The following MEGF10 variants were observed in gnomAD, a reference collection of about 807,000 sequenced individuals.
The protein encoded by MEGF10 is multiple EGF like domains 10.
A neutral mutation model predicts 147.5 loss-of-function variants in MEGF10; 86 were observed. The observed-to-expected ratio is 0.58, with a 90% confidence interval of 0.49 to 0.70. The LOEUF is 0.70. MEGF10 is among the 30% of genes least tolerant of loss of function. The probability of loss-of-function intolerance (pLI) is 0.00; values close to 1 mark genes in which losing one functional copy is unlikely to be tolerated. For synonymous variants in MEGF10, 478 were observed against 525.5 expected (o/e 0.91, Z 1.24); for missense variants, 1,329 against 1,487.3 (o/e 0.89, Z 1.75).
At chr5:127,312,365 T>C (rs893243042) in intron 1 of MEGF10, among the ~76,000 whole-genome samples, 1 of 152,202 alleles carries the variant, frequency 6.6e-6, no homozygotes, top group Non-Finnish European at 1.5e-5. Flanking sequence ...TATGGGGAGC[T>C]TTTTGGCACC....
In MEGF10 at chr5:127,338,948, C is replaced by T. The variant is rs79417344; in HGVS notation, c.117-172C>T. Among the ~76,000 whole-genome samples, 772 of 151,938 alleles carry T rather than the reference C, an allele frequency of 5.1e-3. 8 individuals are homozygous for T. Among genetic ancestry groups the T allele is most frequent in the African/African-American group, 0.018 (746 of 41,464 alleles). ...TTTAAATGTATTGTTAAAATTGATC[C>T]TTTTGGGGTTCTAGTTTAAATAAAA... On this transcript the variant is annotated intron_variant, in intron 2 of 24. Coordinates refer to ENST00000503335, the MANE Select transcript of MEGF10 (RefSeq NM_001256545.2).
intron 1 of MEGF10, among the ~76,000 whole-genome samples, chr5:127,321,638 G>A (rs751263810): frequency 6.6e-6 from 1 of 152,164 alleles, no homozygotes; most frequent in Non-Finnish European, 1.5e-5. Context: ...CTGATAGTGA[G>A]TGCTTCAGTA....
At chr5:127,344,234 G>A (rs576761116) in intron 4 of MEGF10, among the ~76,000 whole-genome samples, 112 of 152,228 alleles carry the variant, frequency 7.4e-4, no homozygotes, top group Middle Eastern at 6.8e-3. Flanking sequence ...CCATCAAAGA[G>A]TTTTGCAGTC....
intron 5 of MEGF10, among the ~76,000 whole-genome samples, chr5:127,371,517 G>A (rs1762852580): frequency 6.6e-6 from 1 of 152,170 alleles, no homozygotes; most frequent in Admixed American, 6.5e-5. Context: ...GTGGGATAGG[G>A]AAGAGTGGGC....
At chr5:127,290,570 T>C (rs1156642562), upstream of MEGF10, among the ~76,000 whole-genome samples, 3 of 152,166 alleles carry the variant, frequency 2.0e-5, no homozygotes, top group Non-Finnish European at 4.4e-5. Context: ...TTTGGCGGGG[T>C]CACCCACCAG....
chr5:127,286,031 A>G (rs1759019555), upstream of MEGF10, among the ~76,000 whole-genome samples: 1 of 152,142 alleles, frequency 6.6e-6, no homozygotes, highest in Non-Finnish European at 1.5e-5. Flanking sequence ...ACTGGAGGAC[A>G]TTAAGTGAAA....
the MEGF10 span, among the ~76,000 whole-genome samples, chr5:127,264,590 A>G: frequency 1.3e-5 from 2 of 152,052 alleles, no homozygotes; most frequent in African/African-American, 2.4e-5. Context: ...GCTTTTCTCT[A>G]TGTTGCACTC....
chr5:127,381,141 T>C (rs927721937), intron 5 of MEGF10, among the ~76,000 whole-genome samples: 3 of 152,218 alleles, frequency 2.0e-5, no homozygotes, highest in African/African-American at 7.2e-5. Context: ...GTGGAAATTC[T>C]ATGTGAGGAT....
the MEGF10 span, among the ~76,000 whole-genome samples, chr5:127,239,457 AT>A: frequency 1.4e-5 from 2 of 143,722 alleles, no homozygotes; most frequent in East Asian, 4.0e-4. Flanking sequence ...TATATTATAT[AT>A]AAAATATATA....
chr5:127,432,677 AT>A (rs894081514), intron 13 of MEGF10, among the ~76,000 whole-genome samples: 96 of 151,908 alleles, frequency 6.3e-4, no homozygotes, highest in African/African-American at 2.0e-3. Flanking sequence ...TCCTTTTGTC[AT>A]TTTTTTTAAT....
chr5:127,393,815 T>TG (rs1763799677), intron 5 of MEGF10, among the ~76,000 whole-genome samples: 1 of 152,048 alleles, frequency 6.6e-6, no homozygotes, highest in South Asian at 2.1e-4. Flanking sequence ...TCAAAGTTTT[T>TG]TTTTTTCTTT....
intron 1 of MEGF10, among the ~76,000 whole-genome samples, chr5:127,312,378 G>A (rs1389351195): frequency 6.6e-6 from 1 of 152,210 alleles, no homozygotes; most frequent in East Asian, 1.9e-4. Context: ...TTGGCACCGT[G>A]TCCGACATAC....
intron 20 of MEGF10, among the ~76,000 whole-genome samples, chr5:127,446,527 G>T (rs1765946960): frequency 6.6e-6 from 1 of 152,294 alleles, no homozygotes; most frequent in South Asian, 2.1e-4. Context: ...CCAAAGCAAA[G>T]AGCAGTTATC....
At chr5:127,340,720 G>A (rs1761648085) in intron 4 of MEGF10, 90 bp downstream of exon 4, 1 of 997,852 alleles carries the variant, frequency 1.0e-6, no homozygotes, top group Non-Finnish European at 1.6e-6. Context: ...GAGGTCTGGG[G>A]AGATGGGTGT....
intron 8 of MEGF10, among the ~76,000 whole-genome samples, chr5:127,406,933 T>C (rs1764354719): frequency 6.6e-6 from 1 of 152,150 alleles, no homozygotes; most frequent in Non-Finnish European, 1.5e-5. Context: ...ATGCACATGA[T>C]TGGTGCTCAG....
chr5:127,263,687 G>A, the MEGF10 span, among the ~76,000 whole-genome samples: 4 of 152,120 alleles, frequency 2.6e-5, no homozygotes, highest in Non-Finnish European at 5.9e-5. Context: ...GATTTGAACA[G>A]ACATAAACAT....
chr5:127,391,089 C>T (rs1346824886), intron 5 of MEGF10, among the ~76,000 whole-genome samples: 78 of 22,648 alleles, frequency 3.4e-3, no homozygotes, highest in African/African-American at 6.7e-3. Flanking sequence ...TACACACATG[C>T]GCGCGCGCGC....
the MEGF10 span, among the ~76,000 whole-genome samples, chr5:127,237,310 C>T: frequency 5.3e-5 from 8 of 152,034 alleles, no homozygotes; most frequent in African/African-American, 1.9e-4. Context: ...CTGGCCAACA[C>T]AGTGAAACCC....
chr5:127,281,031 C>T, the MEGF10 span, among the ~76,000 whole-genome samples: 3 of 152,286 alleles, frequency 2.0e-5, no homozygotes, highest in Admixed American at 6.5e-5. Flanking sequence ...ACCTCCTATT[C>T]CCAGAGGCAG....
Sources: allele counts gnomAD v4.1 joint callset (sites outside exome capture counted in the v4.1 genomes callset), GRCh38; gene constraint gnomAD v4.1.1; transcripts MANE v1.5; gene names NCBI Gene and HGNC (gene_info 2026-07-23, HGNC 2026-07-21).